BAZ1B: variants seen among roughly 807,000 people sequenced by gnomAD.
BAZ1B encodes the protein bromodomain adjacent to zinc finger domain 1B.
BAZ1B carries 22 observed loss-of-function variants against 153.8 expected under a neutral mutation model. The observed-to-expected ratio is 0.14, with a 90% CI of 0.10 to 0.20. The LOEUF is 0.20. BAZ1B is among the 10% of genes least tolerant of loss of function. The pLI is 1.00. For synonymous variants in BAZ1B, 676 were observed against 633.4 expected (o/e 1.07, Z -1.01); for missense variants, 1,325 against 1,799.3 (o/e 0.74, Z 4.77).
intron 3 of BAZ1B, among the ~76,000 whole-genome samples, chr7:73,499,567 T>C (rs1554576842): frequency 6.6e-6 from 1 of 152,174 alleles, no homozygotes; most frequent in African/African-American, 2.4e-5. Context: ...CCAAGCATGA[T>C]GGCGTGTTCC....
At chr7:73,454,671 T>C (rs1788129892) in intron 13 of BAZ1B, among the ~76,000 whole-genome samples, 1 of 152,202 alleles carries the variant, frequency 6.6e-6, no homozygotes, top group Non-Finnish European at 1.5e-5. Flanking sequence ...TCCCATGACC[T>C]GATCCACTCC....
intron 1 of BAZ1B, among the ~76,000 whole-genome samples, chr7:73,519,955 C>A (rs547734991): frequency 1.3e-5 from 2 of 152,118 alleles, no homozygotes; most frequent in Non-Finnish European, 2.9e-5. Flanking sequence ...GCCTGTTAAT[C>A]CCAGTACTTT....
chr7:73,482,385 C>A (rs1429761304), intron 6 of BAZ1B, among the ~76,000 whole-genome samples: 1 of 152,120 alleles, frequency 6.6e-6, no homozygotes, highest in Non-Finnish European at 1.5e-5. Flanking sequence ...CAAATGTGTG[C>A]CCCCAAAAAG....
rs989438547 is a variant in BAZ1B, at chr7:73,458,769, C to T, written c.3432+767G>A. 7.2e-5 allele frequency among the ~76,000 whole-genome samples: 11 copies of T among 151,998 alleles called. No homozygotes were observed. The South Asian group carries it at 2.1e-3, about 29-fold the overall frequency. On this transcript the variant is annotated intron_variant, in intron 13 of 19. Transcript: ENST00000339594. ...AAGCATGGCTGGGCGCAGTGGCTCA[C>T]GCTTACAATCAAACTTTGAGAGGCC...
chr7:73,520,920 G>A (rs1170995572), intron 1 of BAZ1B, among the ~76,000 whole-genome samples: 1 of 151,860 alleles, frequency 6.6e-6, no homozygotes, highest in Non-Finnish European at 1.5e-5. Context: ...TTTTTTTACA[G>A]ATAAGCCTCA....
chr7:73,490,940 A>C (rs1554575387), intron 5 of BAZ1B, among the ~76,000 whole-genome samples: 1 of 151,712 alleles, frequency 6.6e-6, no homozygotes, highest in African/African-American at 2.4e-5. Flanking sequence ...TACCTTGCTG[A>C]ATGAGAAGAA....
rs1554568055 is a variant in BAZ1B, at chr7:73,450,991, C to A, written c.3436G>T (p.Ala1146Ser). 6.2e-7 allele frequency: 1 copy of A among 1,614,084 alleles called. No homozygotes were observed. Among genetic ancestry groups the A allele is most frequent in the African/African-American group, 1.3e-5 (1 of 75,040 alleles). The change falls in exon 14 of 20, where the codon GCA (alanine) becomes TCA (serine). Residue 1146 changes from alanine (A) to serine (S), a missense_variant. Transcript: ENST00000339594. This position sits in a 1 kb window ranked among gnomAD's most constrained non-coding sequence, Gnocchi z 4.1. ...GTCTTCCATTTCTCCAGTGCAGATG[C>A]AACCTAAACAGAGACCAAACCAGGC... ...EKKMVEEAKV[A>S]SALEKWKTAI...
intron 7 of BAZ1B, among the ~76,000 whole-genome samples, chr7:73,474,153 T>C (rs1554572450): frequency 6.6e-6 from 1 of 152,192 alleles, no homozygotes; most frequent in Non-Finnish European, 1.5e-5. Context: ...CATATGATTT[T>C]TGACAAGCGT....
rs782344945 is a variant in BAZ1B at position 73,470,451 on chromosome 7, T to C, written c.2626A>G (p.Ile876Val). Residue 876 changes from isoleucine to valine, a missense_variant, in exon 8 of 20, where the codon ATA (isoleucine) becomes GTA (valine). Coordinates refer to ENST00000339594, the MANE Select transcript of BAZ1B (RefSeq NM_032408.4). ...KLERQAEEER[I>V]RKHKAAAEKA... ...TCAGCAGCTGCTTTGTGCTTCCGTA[T>C]TCGTTCTTCTTCAGCTTGGCGTTCC... 6.2e-7 allele frequency: 1 copy of C among 1,613,934 alleles called. No individual in the cohort carries two copies. The highest frequency in any genetic ancestry group is 8.5e-7 in the Non-Finnish European group (1 of 1,179,982).
At chr7:73,510,198 G>T (rs1335535255) in intron 2 of BAZ1B, among the ~76,000 whole-genome samples, 1 of 151,910 alleles carries the variant, frequency 6.6e-6, no homozygotes. Flanking sequence ...GGGAGGCCAA[G>T]GCGGGAGGAT....
intron 7 of BAZ1B, among the ~76,000 whole-genome samples, chr7:73,472,018 GAA>G (rs1195077067): frequency 1.2e-4 from 18 of 152,140 alleles, no homozygotes; most frequent in African/African-American, 4.3e-4. Context: ...TTACAGCACT[GAA>G]CTAGTTATCC....
At position 73,478,099 on chromosome 7, in the gene BAZ1B, T is replaced by C. The variant is rs1554573145; in HGVS notation, c.1362A>G (p.Pro454=). The C allele has an allele frequency of 6.2e-7, 1 of 1,614,208 alleles. No homozygotes were observed. Among genetic ancestry groups the C allele is most frequent in the South Asian group, 1.1e-5 (1 of 91,088 alleles). The change falls in exon 7 of 20, where the codon CCA becomes CCG. Residue 454 remains proline, a synonymous_variant. Transcript: ENST00000339594. ...TCCTAGGTGTACCCCCAGAATTCCG[T>C]GGGGCTCGTGTCATCTTCTGCGTGC... The part of the protein sequence containing the change: ...AKGTQKMTRA[P]RNSGGTPRTS...
At chr7:73,507,648 C>T (rs1372741824) in intron 3 of BAZ1B, among the ~76,000 whole-genome samples, 1 of 152,144 alleles carries the variant, frequency 6.6e-6, no homozygotes, top group Non-Finnish European at 1.5e-5. Context: ...ACCAGTACAA[C>T]AAAGTGTTGC....
intron 6 of BAZ1B, among the ~76,000 whole-genome samples, chr7:73,483,804 G>A (rs1269981267): frequency 1.3e-5 from 2 of 152,028 alleles, no homozygotes; most frequent in Non-Finnish European, 2.9e-5. Context: ...ACCACACCCA[G>A]TTAATTTTTT....
intron 4 of BAZ1B, among the ~76,000 whole-genome samples, chr7:73,493,707 T>C (rs1554575983): frequency 6.6e-6 from 1 of 151,646 alleles, no homozygotes; most frequent in African/African-American, 2.4e-5. Flanking sequence ...CCAGGTGTGG[T>C]GGCACATGCC....
At chr7:73,499,006 C>CA (rs782621488) in intron 3 of BAZ1B, among the ~76,000 whole-genome samples, 5 of 152,064 alleles carry the variant, frequency 3.3e-5, no homozygotes, top group African/African-American at 7.2e-5. Context: ...CAAGAATTTA[C>CA]ATTTTTGTAT....
In BAZ1B at chr7:73,477,633, C is replaced by T; in HGVS notation, c.1828G>A (p.Val610Met). The T allele has an allele frequency of 6.2e-7, 1 of 1,614,222 alleles. No individual in the cohort carries two copies. The highest frequency in any genetic ancestry group is 8.5e-7 in the Non-Finnish European group (1 of 1,180,034). ...EGLPNTLFGD[V>M]AMVVEFLSCY... ...CTCAAGAATTCCACCACCATGGCCA[C>T]ATCCCCAAACAGCGTGTTGGGCAGC... The change falls in exon 7 of 20, where the codon GTG becomes ATG. Residue 610 changes from valine (V) to methionine (M), a missense_variant. Physicochemically the swap from Val to Met is conservative, Grantham distance 21 (BLOSUM62 1). Transcript: ENST00000339594. This position sits in a 1 kb window ranked among gnomAD's most constrained non-coding sequence, Gnocchi z 5.6.
chr7:73,473,446 C>A (rs1348705350), intron 7 of BAZ1B, among the ~76,000 whole-genome samples: 1 of 152,086 alleles, frequency 6.6e-6, no homozygotes, highest in Non-Finnish European at 1.5e-5. Context: ...CCCAGCTACT[C>A]AGGAGGCTGA....
At chr7:73,473,317 T>C (rs782319345) in intron 7 of BAZ1B, among the ~76,000 whole-genome samples, 3 of 152,146 alleles carry the variant, frequency 2.0e-5, no homozygotes, top group African/African-American at 7.2e-5. Flanking sequence ...ATTTGGCAAG[T>C]TGAGGCAGGC....
Sources: allele counts gnomAD v4.1 joint callset (sites outside exome capture counted in the v4.1 genomes callset), GRCh38; gene constraint gnomAD v4.1.1; non-coding constraint Gnocchi (gnomAD v3.1); transcripts MANE v1.5; gene names NCBI Gene and HGNC (gene_info 2026-07-23, HGNC 2026-07-21).